The following IL20RA variants were observed in gnomAD, a reference collection of about 807,000 sequenced individuals.
The protein encoded by IL20RA is interleukin 20 receptor subunit alpha, also known as interleukin-20 receptor subunit alpha.
Under a neutral mutation model 36.5 loss-of-function variants are expected in IL20RA, and 29 were observed. The observed-to-expected ratio is 0.79, with a 90% CI of 0.59 to 1.08. The LOEUF (loss-of-function observed/expected upper bound fraction) is 1.08. IL20RA is among the 50% of genes least tolerant of loss of function. The pLI is 0.00. For missense variants in IL20RA, 652 were observed against 668.4 expected (o/e 0.98, Z 0.27); for synonymous variants, 279 against 267.1 (o/e 1.04, Z -0.43).
chr6:137,032,770 G>T (rs1349359397), intron 1 of IL20RA, among the ~76,000 whole-genome samples: 1 of 152,180 alleles, frequency 6.6e-6, no homozygotes, highest in Non-Finnish European at 1.5e-5. Flanking sequence ...AACACTATCA[G>T]AATGATGAAT....
chr6:137,024,965 C>T (rs915436182), intron 1 of IL20RA, among the ~76,000 whole-genome samples: 10 of 152,282 alleles, frequency 6.6e-5, no homozygotes, highest in Non-Finnish European at 1.2e-4. Flanking sequence ...TGTGAGGATG[C>T]CCCTTTGAGT....
At chr6:137,018,895 G>C (rs1382169158) in intron 1 of IL20RA, among the ~76,000 whole-genome samples, 1 of 152,178 alleles carries the variant, frequency 6.6e-6, no homozygotes, top group Non-Finnish European at 1.5e-5. Context: ...CATATGAAGA[G>C]TGGTTAGCAT....
At chr6:137,022,827 G>A (rs540666677) in intron 1 of IL20RA, among the ~76,000 whole-genome samples, 22 of 152,198 alleles carry the variant, frequency 1.4e-4, no homozygotes, top group African/African-American at 4.3e-4. Context: ...ATGTGAAGAC[G>A]AAGGACTGGA....
chr6:137,042,213 T>C (rs1776721535), intron 1 of IL20RA, among the ~76,000 whole-genome samples: 1 of 7,812 alleles, frequency 1.3e-4, no homozygotes, highest in Admixed American at 1.7e-3. Flanking sequence ...ACACTTTGGC[T>C]TGTCTGGGAA....
chr6:137,009,820 T>G (rs771952), intron 3 of IL20RA, among the ~76,000 whole-genome samples: 139,022 of 151,942 alleles, frequency 0.91, 64,765 homozygotes, highest in East Asian at 1. Context: ...TGGCCAGGCT[T>G]GTCTCGAACT....
intron 1 of IL20RA, among the ~76,000 whole-genome samples, chr6:137,041,302 G>A (rs1582844713): frequency 6.6e-6 from 1 of 152,176 alleles, no homozygotes; most frequent in Admixed American, 6.5e-5. Context: ...TTGGAAAAAT[G>A]GGTGATACTC....
intron 5 of IL20RA, among the ~76,000 whole-genome samples, chr6:137,008,264 G>A (rs955188836): frequency 1.4e-4 from 22 of 152,160 alleles, no homozygotes; most frequent in African/African-American, 5.3e-4. Context: ...TATGCCCAGC[G>A]TGATTATGAT....
chr6:137,015,091 C>T (rs905622902), intron 2 of IL20RA, among the ~76,000 whole-genome samples: 1 of 152,158 alleles, frequency 6.6e-6, no homozygotes, highest in Non-Finnish European at 1.5e-5. Flanking sequence ...TCTGCTTTTG[C>T]TAAAATGGCC....
chr6:137,024,945 T>C (rs529181130), intron 1 of IL20RA, among the ~76,000 whole-genome samples: 17 of 152,318 alleles, frequency 1.1e-4, no homozygotes, highest in African/African-American at 3.8e-4. Flanking sequence ...CTTTGAACGA[T>C]GGAAGGATAT....
Position 137,009,349 on chromosome 6 carries a change from C to T in IL20RA, c.547G>A (p.Val183Met), listed in dbSNP as rs143005532. Residue 183 changes from valine to methionine, a missense_variant, in exon 4 of 7, where the codon GTG (valine) becomes ATG (methionine). Transcript: ENST00000316649. ...QQIYSNLKYN[V>M]SVLNTKSNRT... ...TTTGATTTAGTATTCAACACAGACA[C>T]GTTATACTTCAGATTGGAGTATATT... 2,472 of 1,613,466 alleles carry T rather than the reference C, an allele frequency of 1.5e-3. 8 individuals carry two copies. Among genetic ancestry groups the T allele is most frequent in the Non-Finnish European group, 1.5e-3 (1,804 of 1,179,492 alleles).
At chr6:137,009,795 G>A (rs1582820681) in intron 3 of IL20RA, among the ~76,000 whole-genome samples, 8 of 151,846 alleles carry the variant, frequency 5.3e-5, no homozygotes, top group African/African-American at 1.5e-4. Context: ...TAGTAGAGAC[G>A]GGGTTTCATC....
chr6:137,008,505 C>T (rs1005546661), intron 5 of IL20RA, 94 bp downstream of exon 5: 2 of 1,309,838 alleles, frequency 1.5e-6, no homozygotes, highest in Admixed American at 2.4e-5. Flanking sequence ...TTCTGTTAGA[C>T]ACGGATTTGT....
rs74315854 is a variant in IL20RA, at chr6:137,022,500, T to C, written c.89-5397A>G. On this transcript the variant is annotated intron_variant, in intron 1 of 6. Coordinates refer to ENST00000316649, the MANE Select transcript of IL20RA (RefSeq NM_014432.4). ...TCTTTGTCTCCCATATAAATCATACTATAGTCAATCCTATCTGTATTGATG... is the reference window on the plus strand; with the variant it reads ...TCTTTGTCTCCCATATAAATCATACCATAGTCAATCCTATCTGTATTGATG... 4.5e-3 allele frequency among the ~76,000 whole-genome samples: 683 copies of C among 152,346 alleles called. 6 individuals are homozygous for C. The highest frequency in any genetic ancestry group is 0.016 in the African/African-American group (647 of 41,588).
At chr6:137,004,159 C>CGTGT (rs531501235) in intron 6 of IL20RA, among the ~76,000 whole-genome samples, 1 of 88,016 alleles carries the variant, frequency 1.1e-5, no homozygotes, top group African/African-American at 5.6e-5. Flanking sequence ...ATCCAGAAAG[C>CGTGT]TTTTTTTTTT....
intron 1 of IL20RA, among the ~76,000 whole-genome samples, chr6:137,040,318 G>A (rs1206396673): frequency 1.3e-5 from 2 of 151,512 alleles, no homozygotes; most frequent in Non-Finnish European, 2.9e-5. Context: ...GTATAACTAC[G>A]TTAGTCTATA....
intron 5 of IL20RA, among the ~76,000 whole-genome samples, chr6:137,006,215 G>C (rs1775273096): frequency 6.6e-6 from 1 of 152,234 alleles, no homozygotes; most frequent in South Asian, 2.1e-4. Flanking sequence ...CGAAACAGAT[G>C]TGTCATGGCT....
intron 5 of IL20RA, among the ~76,000 whole-genome samples, chr6:137,007,323 G>A (rs1775313998): frequency 1.3e-5 from 2 of 152,206 alleles, no homozygotes; most frequent in Admixed American, 6.5e-5. Flanking sequence ...AAAGCCTTGC[G>A]CTTTTCACAG....
At chr6:137,014,739 A>T (rs1158952693) in intron 2 of IL20RA, among the ~76,000 whole-genome samples, 4 of 152,020 alleles carry the variant, frequency 2.6e-5, no homozygotes, top group Non-Finnish European at 5.9e-5. Context: ...GTTTAAATTC[A>T]AATTATTTCT....
At position 137,016,955 on chromosome 6, in the gene IL20RA, A is replaced by G. The variant is rs1287818280; in HGVS notation, c.224+13T>C. The G allele has an allele frequency of 6.2e-7, 1 of 1,611,852 alleles. No individual in the cohort carries two copies. The highest frequency in any genetic ancestry group is 8.5e-7 in the Non-Finnish European group (1 of 1,178,730). On this transcript the variant is annotated intron_variant, in intron 2 of 6. Coordinates refer to ENST00000316649, the MANE Select transcript of IL20RA (RefSeq NM_014432.4). ...TGTTTGTAAGCTAGCCAAAAGGAAA[A>G]GAAGAAACTTACATGAAATACTGCA...
Sources: allele counts gnomAD v4.1 joint callset (sites outside exome capture counted in the v4.1 genomes callset), GRCh38; gene constraint gnomAD v4.1.1; transcripts MANE v1.5; gene names NCBI Gene and HGNC (gene_info 2026-07-23, HGNC 2026-07-21).